MACROD2: variants seen among roughly 807,000 people sequenced by gnomAD.
MACROD2 encodes the protein mono-ADP ribosylhydrolase 2.
A neutral mutation model predicts 70.4 loss-of-function variants in MACROD2; 36 were observed. The ratio of observed to expected loss-of-function variants is 0.51; its 90% confidence interval spans 0.39 to 0.68. The LOEUF (loss-of-function observed/expected upper bound fraction) is 0.68, where lower values mean the gene tolerates loss of function less well. MACROD2 is among the 30% of genes least tolerant of loss of function. The pLI is 0.00. For missense variants in MACROD2, 496 were observed against 538.4 expected (o/e 0.92, Z 0.78); for synonymous variants, 172 against 178.8 (o/e 0.96, Z 0.30).
At chr20:14,978,925 T>TA (rs1349259358) in intron 5 of MACROD2, among the ~76,000 whole-genome samples, 3 of 143,846 alleles carry the variant, frequency 2.1e-5, no homozygotes, top group African/African-American at 7.7e-5. Flanking sequence ...ATATATATCA[T>TA]AATATATATC....
chr20:14,397,182 A>G (rs560087482), intron 3 of MACROD2, among the ~76,000 whole-genome samples: 3 of 151,692 alleles, frequency 2.0e-5, no homozygotes, highest in South Asian at 4.2e-4. Flanking sequence ...TTTACTAGAG[A>G]TGGAGTTTCA....
At chr20:14,095,744 C>T (rs1266206743) in intron 3 of MACROD2, among the ~76,000 whole-genome samples, 1 of 151,984 alleles carries the variant, frequency 6.6e-6, no homozygotes, top group Non-Finnish European at 1.5e-5. Flanking sequence ...TAAATAATAC[C>T]TCATGTTTTA....
At chr20:15,149,767 C>T (rs377274892) in intron 5 of MACROD2, among the ~76,000 whole-genome samples, 11 of 152,122 alleles carry the variant, frequency 7.2e-5, no homozygotes, top group South Asian at 4.1e-4. Context: ...AGCTACAGGA[C>T]GCAATCCCGG....
intron 5 of MACROD2, among the ~76,000 whole-genome samples, chr20:14,897,485 G>A (rs182623798): frequency 4.9e-4 from 75 of 152,126 alleles, no homozygotes; most frequent in Middle Eastern, 3.4e-3. Flanking sequence ...AGATGTGTAA[G>A]GACTAAAAAT....
rs1329043857 is a variant in MACROD2, at chr20:14,700,103, A to G, written c.418+15144A>G. ...TTAAAGTTTAAATCTAGAAGTTTAA[A>G]GTTTAAATTTTAAATCTAGAAGTTT... On this transcript the variant is annotated intron_variant, in intron 5 of 17. Coordinates refer to ENST00000684519, the MANE Select transcript of MACROD2 (RefSeq NM_001351661.2). Among the ~76,000 whole-genome samples the G allele has an allele frequency of 4.0e-5, 6 of 151,618 alleles. No homozygotes were observed. In the East Asian group the frequency reaches 1.2e-3, roughly 29 times the overall value.
chr20:15,235,318 G>A (rs175299), intron 6 of MACROD2, among the ~76,000 whole-genome samples: 59,426 of 152,056 alleles, frequency 0.39, 12,307 homozygotes, highest in African/African-American at 0.53. Context: ...GTTTGTTTAA[G>A]TGGTGTATGC....
At chr20:14,834,045 T>C (rs2073001000) in intron 5 of MACROD2, among the ~76,000 whole-genome samples, 1 of 152,076 alleles carries the variant, frequency 6.6e-6, no homozygotes, top group Non-Finnish European at 1.5e-5. Flanking sequence ...CATCAAGCTG[T>C]AAAAATGTAG....
chr20:15,339,341 G>T (rs1056645161), intron 6 of MACROD2, among the ~76,000 whole-genome samples: 2 of 151,736 alleles, frequency 1.3e-5, no homozygotes, highest in African/African-American at 4.9e-5. Context: ...CAGGTGGATT[G>T]CCACTTTGGC....
At position 15,431,421 on chromosome 20, in the gene MACROD2, C is replaced by T; in HGVS notation, c.557C>T (p.Ser186Leu). ...TATTCACAGGCATTTCCCTGCATCT[C>T]AACAGGCATTTATGGTAAGTGATAC... ...NIRSVAFPCI[S>L]TGIYGFPNEP... Residue 186 changes from serine (S) to leucine (L), a missense_variant, in exon 7 of 18, where the codon TCA (serine) becomes TTA (leucine). By Grantham distance (145) the Ser-to-Leu change is moderately radical (BLOSUM62 -2). Coordinates refer to ENST00000684519, the MANE Select transcript of MACROD2 (RefSeq NM_001351661.2). The T allele has an allele frequency of 6.2e-7, 1 of 1,611,240 alleles. No homozygotes were observed. The highest frequency in any genetic ancestry group is 1.1e-5 in the South Asian group (1 of 90,900).
intron 5 of MACROD2, among the ~76,000 whole-genome samples, chr20:15,114,856 G>T (rs1302264760): frequency 6.6e-6 from 1 of 152,064 alleles, no homozygotes; most frequent in East Asian, 1.9e-4. Context: ...GTTTCCCCCA[G>T]TGAGGAGAAA....
At chr20:15,159,749 C>T (rs930264426) in intron 5 of MACROD2, among the ~76,000 whole-genome samples, 20 of 151,594 alleles carry the variant, frequency 1.3e-4, no homozygotes, top group African/African-American at 4.8e-4. Flanking sequence ...CACACATACA[C>T]ATGGGCACAC....
intron 4 of MACROD2, among the ~76,000 whole-genome samples, chr20:14,674,809 A>G (rs1232924578): frequency 2.6e-5 from 4 of 152,176 alleles, no homozygotes; most frequent in African/African-American, 9.7e-5. Context: ...TTTTTAAAGA[A>G]CCCTGTTGTA....
chr20:13,999,804 C>T (rs1270794754), intron 1 of MACROD2, among the ~76,000 whole-genome samples: 1 of 152,200 alleles, frequency 6.6e-6, no homozygotes, highest in Non-Finnish European at 1.5e-5. Flanking sequence ...TTGGTAACCA[C>T]ATTGATAAAA....
intron 7 of MACROD2, among the ~76,000 whole-genome samples, chr20:15,449,351 G>A (rs1033959794): frequency 1.2e-4 from 18 of 152,214 alleles, no homozygotes; most frequent in African/African-American, 4.1e-4. Flanking sequence ...TAGCACTGAC[G>A]TTAACAAGGA....
chr20:14,579,498 C>G (rs1980863550), intron 4 of MACROD2, among the ~76,000 whole-genome samples: 1 of 152,190 alleles, frequency 6.6e-6, no homozygotes, highest in African/African-American at 2.4e-5. Flanking sequence ...ATTTTATAAT[C>G]AGATTGAAAA....
chr20:15,486,939 G>C, intron 7 of MACROD2, among the ~76,000 whole-genome samples: 1 of 152,194 alleles, frequency 6.6e-6, no homozygotes, highest in Non-Finnish European at 1.5e-5. Flanking sequence ...GGTTGGCTGT[G>C]GTTTAACTGA....
chr20:14,483,989 CT>C (rs2084692046), intron 3 of MACROD2, among the ~76,000 whole-genome samples: 1 of 152,190 alleles, frequency 6.6e-6, no homozygotes, highest in Admixed American at 6.5e-5. Flanking sequence ...AACTAAATAT[CT>C]TTTCATGTAT....
At chr20:14,829,683 A>G (rs2072942521) in intron 5 of MACROD2, among the ~76,000 whole-genome samples, 1 of 152,118 alleles carries the variant, frequency 6.6e-6, no homozygotes, top group Admixed American at 6.6e-5. Flanking sequence ...CACTGTGTCC[A>G]CACATGCCAA....
At chr20:14,042,843 A>T (rs1172401022) in intron 2 of MACROD2, among the ~76,000 whole-genome samples, 1 of 152,014 alleles carries the variant, frequency 6.6e-6, no homozygotes, top group African/African-American at 2.4e-5. Context: ...GACAGCATCA[A>T]AGCCCAGAAG....
Sources: gnomAD v4.1 joint callset for allele counts (sites outside exome capture counted in the v4.1 genomes callset) on GRCh38, gnomAD v4.1.1 for gene constraint, MANE v1.5 for transcripts, NCBI Gene and HGNC (gene_info 2026-07-23, HGNC 2026-07-21) for gene names.